Variants in CAMP observed in about 807,000 individuals in gnomAD.
CAMP encodes the protein 18 kDa cationic antimicrobial protein.
In CAMP, 10 loss-of-function variants were observed where a neutral mutation model predicts 12.7. That is an observed-to-expected ratio of 0.79 (90% CI 0.49 to 1.34). CAMP has a LOEUF of 1.34. Among genes scored for constraint, CAMP ranks in the 40% most tolerant of loss-of-function variants. CAMP has a pLI of 0.00. For missense variants in CAMP, 205 were observed against 213.0 expected, an observed-to-expected ratio of 0.96 and a Z score of 0.23; for synonymous variants, 87 against 85.2, an observed-to-expected ratio of 1.02 and a Z score of -0.12.
In CAMP at chr3:48,223,503, A is replaced by T. The variant is rs746830188; in HGVS notation, c.-9A>T. 1.6e-4 allele frequency: 247 copies of T among 1,577,808 alleles called. No homozygotes were observed. Among genetic ancestry groups the T allele is most frequent in the Non-Finnish European group, 2.0e-4 (237 of 1,161,728 alleles). ...TCCTGTGGGCTAGAGGGAGGCAGAC[A>T]TGGGGACCATGAAGACCCAAAGGGA... On this transcript the variant is annotated 5_prime_UTR_variant, in exon 1 of 4. The change abolishes an upstream ATG in the 5' untranslated region. Transcript: ENST00000652295.
At chr3:48,224,270 G>C in intron 1 of CAMP, 84 bp from the exon 2 acceptor site, 1 of 907,360 alleles carries the variant, frequency 1.1e-6, no homozygotes, top group Non-Finnish European at 1.8e-6. Context: ...AGGTACTGTG[G>C]AAAGCCTGCC....
rs747832208 is a variant in CAMP at position 48,225,472 on chromosome 3, A to G, written c.*48A>G. On this transcript the variant is annotated 3_prime_UTR_variant, in exon 4 of 4. Transcript: ENST00000652295. ...GCTTCTGGGCTCTGAGAAATAAACTATGAGAGCAATTTCCTCAGGCTTCAG... is the reference window on the plus strand; with the variant it reads ...GCTTCTGGGCTCTGAGAAATAAACTGTGAGAGCAATTTCCTCAGGCTTCAG... 26 of 1,558,020 alleles carry G rather than the reference A, an allele frequency of 1.7e-5. No homozygotes were observed. Among genetic ancestry groups the G allele is most frequent in the Non-Finnish European group, 2.1e-5 (24 of 1,138,646 alleles).
intron 1 of CAMP, 84 bp downstream of exon 1, chr3:48,223,796 G>A (rs2033459020): frequency 9.9e-7 from 1 of 1,008,962 alleles, no homozygotes; most frequent in South Asian, 1.4e-5. Flanking sequence ...CTGCCTGCCA[G>A]GAGGGCATCT....
chr3:48,224,450 A>C lies in CAMP; in HGVS notation c.298A>C (p.Lys100Gln), dbSNP rs754280374. 9 of 1,611,516 alleles carry C rather than the reference A, an allele frequency of 5.6e-6. No homozygotes were observed. Among genetic ancestry groups the C allele is most frequent in the Non-Finnish European group, 7.6e-6 (9 of 1,177,664 alleles). Residue 100 changes from lysine (K) to glutamine (Q), a missense_variant, in exon 2 of 4, where the codon AAG (lysine) becomes CAG (glutamine). Lys to Gln is a moderately conservative substitution (Grantham distance 53). Coordinates refer to ENST00000652295, the MANE Select transcript of CAMP (RefSeq NM_004345.5). ...TQQSPEDCDF[K>Q]KDGLVKRCMG... ...GCAGTCACCAGAGGATTGTGACTTC[A>C]AGAAGGACGGGGTGAGGCTGGGGGC...
chr3:48,224,297 C>A, intron 1 of CAMP, 57 bp from the exon 2 acceptor site: 1 of 1,205,886 alleles, frequency 8.3e-7, no homozygotes, highest in South Asian at 1.2e-5. Flanking sequence ...GTGGGGAGGT[C>A]ATGGACACAA....
chr3:48,223,700 C>G lies in CAMP; in HGVS notation c.189C>G (p.Pro63=), dbSNP rs1559974558. The part of the protein sequence containing the change: ...ANLYRLLDLD[P]RPTMDGDPDT... ...TCTACCGCCTCCTGGACCTGGACCC[C>G]AGGCCCACGATGGTGAGCTTTGGGG... is the stretch of plus-strand genomic sequence containing the variant. Residue 63 remains proline, a synonymous_variant, in exon 1 of 4, where the codon CCC becomes CCG. Coordinates refer to ENST00000652295, the MANE Select transcript of CAMP (RefSeq NM_004345.5). 6.2e-7 allele frequency: 1 copy of G among 1,613,726 alleles called. No homozygotes were observed. The highest frequency in any genetic ancestry group is 8.5e-7 in the Non-Finnish European group (1 of 1,179,820).
chr3:48,224,523 G>A (rs889349087), intron 2 of CAMP, 62 bp downstream of exon 2: 33 of 1,528,266 alleles, frequency 2.2e-5, no homozygotes, highest in Non-Finnish European at 2.8e-5. Context: ...GGGGGCACCT[G>A]GGGAATATTT....
intron 3 of CAMP, 21 bp from the exon 4 acceptor site, chr3:48,225,272 T>A: frequency 6.2e-7 from 1 of 1,612,120 alleles, no homozygotes; most frequent in Non-Finnish European, 8.5e-7. Context: ...GGAACCTGTT[T>A]CTTCCTGTAC....
chr3:48,224,459 G>A lies in CAMP; in HGVS notation c.307G>A (p.Gly103Arg), dbSNP rs758490185. The stretch of plus-strand genomic sequence containing the variant: ...AGAGGATTGTGACTTCAAGAAGGAC[G>A]GGGTGAGGCTGGGGGCTGGGGGTGT... ...SPEDCDFKKD[G>R]LVKRCMGTVT... is the part of the protein sequence containing the mutation. Residue 103 changes from glycine (G) to arginine (R), a missense_variant and splice_region_variant, in exon 2 of 4, where the codon GGG (glycine) becomes AGG (arginine). Transcript: ENST00000652295. 12 of 1,608,812 alleles carry A rather than the reference G, an allele frequency of 7.5e-6. No homozygotes were observed. Among genetic ancestry groups the A allele is most frequent in the South Asian group, 1.1e-5 (1 of 90,960 alleles).
Position 48,225,350 on chromosome 3 carries a change from G to T in CAMP, c.439G>T (p.Gly147Cys). ...CTTCCGGAAATCTAAAGAGAAGATTGGCAAAGAGTTTAAAAGAATTGTCCA... is the reference window on the plus strand; with the variant it reads ...CTTCCGGAAATCTAAAGAGAAGATTTGCAAAGAGTTTAAAAGAATTGTCCA... ...DFFRKSKEKI[G>C]KEFKRIVQRI... The change falls in exon 4 of 4, where the codon GGC (glycine) becomes TGC (cysteine). Residue 147 changes from glycine to cysteine, a missense_variant. Gly to Cys is a radical substitution (Grantham distance 159, BLOSUM62 -3). Transcript: ENST00000652295. 6.2e-7 allele frequency: 1 copy of T among 1,613,470 alleles called. No homozygotes were observed. The highest frequency in any genetic ancestry group is 1.1e-5 in the South Asian group (1 of 91,032).
At chr3:48,224,544 T>C in intron 2 of CAMP, 59 bp from the exon 3 acceptor site, 3 of 1,552,330 alleles carry the variant, frequency 1.9e-6, no homozygotes, top group East Asian at 2.2e-5. Flanking sequence ...CCCACTGGGA[T>C]GTGGCTGGGA....
intron 3 of CAMP, 82 bp from the exon 4 acceptor site, chr3:48,225,211 G>A: frequency 1.4e-6 from 2 of 1,428,866 alleles, no homozygotes; most frequent in Non-Finnish European, 2.0e-6. Context: ...ACGAAGAGGG[G>A]CGTCTAGGTG....
At chr3:48,224,250 G>A (rs368141753) in intron 1 of CAMP, 104 bp from the exon 2 acceptor site, 46 of 745,820 alleles carry the variant, frequency 6.2e-5, no homozygotes, top group African/African-American at 4.2e-4. Context: ...CCCAGTGCCC[G>A]TCGCACATCA....
intron 1 of CAMP, 74 bp downstream of exon 1, chr3:48,223,786 C>A: frequency 8.6e-7 from 1 of 1,163,520 alleles, no homozygotes; most frequent in Non-Finnish European, 1.3e-6. Flanking sequence ...TCCTGCTGCA[C>A]TGCCTGCCAG....
rs748659900 is a variant in CAMP, at chr3:48,223,637, T to A, written c.126T>A (p.Ala42=). The change falls in exon 1 of 4, where the codon GCT becomes GCA. Residue 42 remains alanine (A), a synonymous_variant. Coordinates refer to ENST00000652295, the MANE Select transcript of CAMP (RefSeq NM_004345.5). The part of the protein sequence containing the change: ...VLSYKEAVLR[A]IDGINQRSSD... ...GCTACAAGGAAGCTGTGCTTCGTGC[T>A]ATAGATGGCATCAACCAGCGGTCCT... The A allele has an allele frequency of 8.1e-6, 13 of 1,614,180 alleles. 1 individual carries two copies. In the South Asian group the frequency reaches 1.4e-4, roughly 18 times the overall value.
rs767577670 is a variant in CAMP, at chr3:48,224,689, C to G, written c.381+15C>G. 1.6e-5 allele frequency: 25 copies of G among 1,600,726 alleles called. No individual in the cohort carries two copies. The highest frequency in any genetic ancestry group is 1.0e-4 in the Admixed American group (6 of 59,976). On this transcript the variant is annotated intron_variant, in intron 3 of 3. Coordinates refer to ENST00000652295, the MANE Select transcript of CAMP (RefSeq NM_004345.5). Reference sequence around the variant, plus strand: ...GTTGTGATAAGGTGAGTGGGCTGTTCTGGGATGCAGGGGCTGATGGGGGCA... The same window carrying G: ...GTTGTGATAAGGTGAGTGGGCTGTTGTGGGATGCAGGGGCTGATGGGGGCA...
chr3:48,223,729 A>T lies in CAMP; in HGVS notation c.201+17A>T. Reference sequence around the variant, plus strand: ...CCCACGATGGTGAGCTTTGGGGGACATTCTGCTCTGCTCTGGCTGGGCTTG... The same window carrying T: ...CCCACGATGGTGAGCTTTGGGGGACTTTCTGCTCTGCTCTGGCTGGGCTTG... On this transcript the variant is annotated intron_variant, in intron 1 of 3. Coordinates refer to ENST00000652295, the MANE Select transcript of CAMP (RefSeq NM_004345.5). The T allele has an allele frequency of 6.2e-7, 1 of 1,603,876 alleles. No individual in the cohort carries two copies. Among genetic ancestry groups the T allele is most frequent in the Admixed American group, 1.7e-5 (1 of 59,848 alleles).
At position 48,225,399 on chromosome 3, in the gene CAMP, A is replaced by T; in HGVS notation, c.488A>T (p.Asn163Ile). Residue 163 changes from asparagine to isoleucine, a missense_variant, in exon 4 of 4, where the codon AAT (asparagine) becomes ATT (isoleucine). Transcript: ENST00000652295. ...CAGAGAATCAAGGATTTTTTGCGGA[A>T]TCTTGTACCCAGGACAGAGTCCTAG... ...IVQRIKDFLRNLVPRTES is the reference protein window; with the variant it reads ...IVQRIKDFLRILVPRTES The T allele has an allele frequency of 1.2e-6, 2 of 1,613,652 alleles. No individual in the cohort carries two copies. Among genetic ancestry groups the T allele is most frequent in the Non-Finnish European group, 1.7e-6 (2 of 1,179,692 alleles).
intron 3 of CAMP, among the ~76,000 whole-genome samples, chr3:48,224,978 C>T (rs998347315): frequency 1.3e-5 from 2 of 152,134 alleles, no homozygotes; most frequent in African/African-American, 2.4e-5. Flanking sequence ...CAGGAGATTC[C>T]GGCTTCTGTA....
Sources: gnomAD v4.1 joint callset for allele counts (sites outside exome capture counted in the v4.1 genomes callset) on GRCh38, gnomAD v4.1.1 for gene constraint, MANE v1.5 for transcripts, NCBI Gene and HGNC (gene_info 2026-07-23, HGNC 2026-07-21) for gene names.